WDR27: variants seen among roughly 807,000 people sequenced by gnomAD.
WDR27 encodes the protein WD repeat domain 27, also known as WD repeat-containing protein 27.
In WDR27, 100 loss-of-function variants were observed where a neutral mutation model predicts 114.4. That is an observed-to-expected ratio of 0.87 (90% CI 0.74 to 1.03). The LOEUF is 1.03. WDR27 is among the 50% of genes least tolerant of loss of function. The pLI, the probability that WDR27 is intolerant of heterozygous loss-of-function variation, is 0.00. For synonymous variants in WDR27, 449 were observed against 423.1 expected (o/e 1.06, Z -0.75); for missense variants, 1,129 against 1,092.9 (o/e 1.03, Z -0.47).
intron 25 of WDR27, among the ~76,000 whole-genome samples, chr6:169,501,755 G>A (rs1250461402): frequency 2.6e-5 from 4 of 152,144 alleles, no homozygotes; most frequent in Non-Finnish European, 5.9e-5. Context: ...TAAAGCAGGA[G>A]TTTGCGGTTG....
chr6:169,452,457 C>T (rs976750464), downstream of WDR27, among the ~76,000 whole-genome samples: 5 of 152,238 alleles, frequency 3.3e-5, no homozygotes, highest in African/African-American at 9.6e-5. Flanking sequence ...GAAACGGCTG[C>T]AGTGAGAGCA....
At chr6:169,434,622 T>C in the WDR27 span, among the ~76,000 whole-genome samples, 1 of 152,206 alleles carries the variant, frequency 6.6e-6, no homozygotes, top group African/African-American at 2.4e-5. Flanking sequence ...ATTTTGCCCC[T>C]GCCCTAGAGA....
chr6:169,693,777 T>G (rs1785105331), intron 1 of WDR27, among the ~76,000 whole-genome samples: 1 of 149,436 alleles, frequency 6.7e-6, no homozygotes, highest in South Asian at 2.1e-4. Flanking sequence ...AAAGGATTAG[T>G]CCAATAGGAA....
At chr6:169,634,692 T>C (rs533626334) in intron 19 of WDR27, among the ~76,000 whole-genome samples, 167 bp from the exon 20 acceptor site, 5 of 152,308 alleles carry the variant, frequency 3.3e-5, no homozygotes, top group African/African-American at 1.2e-4. Flanking sequence ...AATTTTTCTT[T>C]AGGAAAAAAA....
chr6:169,439,382 T>A, the WDR27 span, among the ~76,000 whole-genome samples: 9 of 152,136 alleles, frequency 5.9e-5, no homozygotes, highest in Non-Finnish European at 1.3e-4. Context: ...ACTGTGACTG[T>A]TCTAATTTTT....
intron 25 of WDR27, among the ~76,000 whole-genome samples, chr6:169,470,832 C>G (rs1394193440): frequency 6.6e-6 from 1 of 152,132 alleles, no homozygotes; most frequent in Admixed American, 6.5e-5. Flanking sequence ...CAATTTGGTC[C>G]ATAGCACAAG....
chr6:169,521,360 C>T (rs554352432), intron 25 of WDR27, among the ~76,000 whole-genome samples: 23 of 152,106 alleles, frequency 1.5e-4, no homozygotes, highest in South Asian at 4.2e-4. Flanking sequence ...AGATAATTCA[C>T]CACCAGGAGA....
the WDR27 span, among the ~76,000 whole-genome samples, chr6:169,451,512 G>A: frequency 1.3e-5 from 2 of 152,318 alleles, no homozygotes; most frequent in Admixed American, 6.5e-5. Context: ...AGGTGTTTGT[G>A]GACATGTATA....
At chr6:169,474,407 C>CT (rs1345800812) in intron 25 of WDR27, among the ~76,000 whole-genome samples, 4 of 152,138 alleles carry the variant, frequency 2.6e-5, no homozygotes, top group African/African-American at 9.7e-5. Context: ...AATATGCAGT[C>CT]TTTAACTAAA....
At position 169,659,276 on chromosome 6, in the gene WDR27, A is replaced by G. The variant is rs1408692541; in HGVS notation, c.1198-69T>C. The stretch of plus-strand genomic sequence containing the variant: ...AAAAGCAGACGAAACGTGCATCCGC[A>G]CACGTATCCTAACAGCTGCTTCATT... On this transcript the variant is annotated intron_variant, in intron 11 of 25. Transcript: ENST00000448612. The surrounding 1 kb of genome is among the most constrained non-coding windows in gnomAD (Gnocchi z 4.3). 2 of 1,557,226 alleles carry G rather than the reference A, an allele frequency of 1.3e-6. No individual in the cohort carries two copies. Among genetic ancestry groups the G allele is most frequent in the Non-Finnish European group, 1.7e-6 (2 of 1,149,236 alleles).
intron 25 of WDR27, among the ~76,000 whole-genome samples, chr6:169,523,688 T>TA (rs1283823389): frequency 6.6e-6 from 1 of 151,938 alleles, no homozygotes; most frequent in Non-Finnish European, 1.5e-5. Flanking sequence ...GGATAAAAAC[T>TA]ATGTCATCAT....
intron 25 of WDR27, among the ~76,000 whole-genome samples, chr6:169,545,101 A>G (rs1797293051): frequency 6.6e-6 from 1 of 152,184 alleles, no homozygotes; most frequent in African/African-American, 2.4e-5. Flanking sequence ...AATAGCTAAA[A>G]CTTGACAAAC....
chr6:169,672,359 G>C lies in WDR27; in HGVS notation c.227C>G (p.Ala76Gly), dbSNP rs112097358. 1.2e-6 allele frequency: 2 copies of C among 1,610,908 alleles called. No homozygotes were observed. The highest frequency in any genetic ancestry group is 2.7e-5 in the African/African-American group (2 of 75,036). ...ILRGHHQPIT[A>G]MAFGNKVNPL... ...GTTCACTTTATTTCCAAAAGCCATAGCAGTAATTGGCTGATGGTGTCCTCG... is the reference window on the plus strand; with the variant it reads ...GTTCACTTTATTTCCAAAAGCCATACCAGTAATTGGCTGATGGTGTCCTCG... Residue 76 changes from alanine (A) to glycine (G), a missense_variant, in exon 3 of 26, where the codon GCT becomes GGT. Ala to Gly is a moderately conservative substitution (Grantham distance 60). Coordinates refer to ENST00000448612, the MANE Select transcript of WDR27 (RefSeq NM_182552.5).
chr6:169,672,168 A>G (rs1470698697), intron 3 of WDR27, 87 bp downstream of exon 3: 1 of 1,389,604 alleles, frequency 7.2e-7, no homozygotes, highest in East Asian at 2.4e-5. Context: ...ACCCAAGGGA[A>G]ACACCCCTTG....
At chr6:169,651,227 G>A (rs1822458988) in intron 14 of WDR27, among the ~76,000 whole-genome samples, 1 of 145,064 alleles carries the variant, frequency 6.9e-6, no homozygotes, top group Non-Finnish European at 1.5e-5. Flanking sequence ...AGGGGCACAT[G>A]AAGACGGGAG....
intron 2 of WDR27, among the ~76,000 whole-genome samples, chr6:169,686,355 C>T (rs940160641): frequency 1.6e-4 from 24 of 151,994 alleles, no homozygotes; most frequent in Admixed American, 7.2e-4. Context: ...GAAGAAGTAA[C>T]GAACAAAAGA....
chr6:169,544,570 C>T (rs1797223714), intron 25 of WDR27, among the ~76,000 whole-genome samples: 1 of 152,096 alleles, frequency 6.6e-6, no homozygotes, highest in African/African-American at 2.4e-5. Flanking sequence ...TTCCAAGTAG[C>T]TGGGACCACA....
rs571325883 is a variant in WDR27, at chr6:169,464,369, A to G, written c.2646-6735T>C. Among the ~76,000 whole-genome samples the G allele has an allele frequency of 3.5e-4, 53 of 152,340 alleles. No individual in the cohort carries two copies. The South Asian group carries it at 0.011, about 30-fold the overall frequency. ...AAGCTGGATCCTTTCCTTACAGCACAGAGAAAAACTACCTCAAAATGCATC... is the reference window on the plus strand; with the variant it reads ...AAGCTGGATCCTTTCCTTACAGCACGGAGAAAAACTACCTCAAAATGCATC... On this transcript the variant is annotated intron_variant, in intron 25 of 25. Coordinates refer to ENST00000448612, the MANE Select transcript of WDR27 (RefSeq NM_182552.5).
intron 23 of WDR27, among the ~76,000 whole-genome samples, chr6:169,587,246 T>C (rs1804830678): frequency 2.7e-5 from 1 of 36,572 alleles, no homozygotes; most frequent in Non-Finnish European, 7.9e-5. Flanking sequence ...AAAGACAGCA[T>C]CTTGCTCTGT....
Sources: allele counts gnomAD v4.1 joint callset (sites outside exome capture counted in the v4.1 genomes callset), GRCh38; gene constraint gnomAD v4.1.1; non-coding constraint Gnocchi (gnomAD v3.1); transcripts MANE v1.5; gene names NCBI Gene and HGNC (gene_info 2026-07-23, HGNC 2026-07-21).